Variants in FAM184B observed in about 807,000 individuals in gnomAD.
FAM184B encodes the protein protein FAM184B.
A neutral mutation model predicts 135.9 loss-of-function variants in FAM184B; 111 were observed. That is an observed-to-expected ratio of 0.82 (90% CI 0.70 to 0.96). FAM184B has a LOEUF of 0.96. FAM184B is among the 40% of genes least tolerant of loss of function. FAM184B has a pLI of 0.00. For missense variants in FAM184B, 1,375 were observed against 1,323.9 expected (o/e 1.04, Z -0.60); for synonymous variants, 552 against 524.8 (o/e 1.05, Z -0.71).
intron 1 of FAM184B, among the ~76,000 whole-genome samples, chr4:17,711,886 C>T (rs1391205690): frequency 6.6e-6 from 1 of 152,070 alleles, no homozygotes; most frequent in South Asian, 2.1e-4. Context: ...TCTACATTCT[C>T]AGTGGAATGA....
intron 1 of FAM184B, among the ~76,000 whole-genome samples, chr4:17,756,290 G>A (rs982446416): frequency 2.0e-5 from 3 of 152,120 alleles, no homozygotes; most frequent in African/African-American, 7.2e-5. Context: ...CTGCAACCAC[G>A]TCAAAAGGAC....
At chr4:17,688,177 A>G (rs1027824273) in intron 7 of FAM184B, among the ~76,000 whole-genome samples, 1 of 152,084 alleles carries the variant, frequency 6.6e-6, no homozygotes, top group African/African-American at 2.4e-5. Flanking sequence ...TCAGAGAGAG[A>G]GCGGAGACTC....
At chr4:17,653,931 G>GGAGA (rs1350725706) in intron 10 of FAM184B, among the ~76,000 whole-genome samples, 43 of 1,518 alleles carry the variant, frequency 0.028, no homozygotes, top group East Asian at 0.077. Context: ...GGAGGGGGAG[G>GGAGA]GGGATTTGAA....
At chr4:17,736,222 AACAGAACTAG>A (rs1261858139) in intron 1 of FAM184B, among the ~76,000 whole-genome samples, 2 of 152,172 alleles carry the variant, frequency 1.3e-5, no homozygotes, top group African/African-American at 4.8e-5. Flanking sequence ...GCTGGAAAAC[AACAGAACTAG>A]GATTCTGTTC....
chr4:17,640,286 CAT>C (rs1715270026), intron 13 of FAM184B, among the ~76,000 whole-genome samples: 1 of 144,042 alleles, frequency 6.9e-6, no homozygotes, highest in Non-Finnish European at 1.5e-5. Flanking sequence ...GCCTGACCAA[CAT>C]GGTGAAACCT....
intron 15 of FAM184B, among the ~76,000 whole-genome samples, chr4:17,636,199 G>A (rs539132015): frequency 1.3e-5 from 2 of 152,000 alleles, no homozygotes; most frequent in Admixed American, 6.6e-5. Context: ...TCTGTCTCTC[G>A]GGTTCAAGTG....
chr4:17,634,547 A>T lies in FAM184B; in HGVS notation c.2889+462T>A, dbSNP rs537903846. On this transcript the variant is annotated intron_variant, in intron 16 of 17. Coordinates refer to ENST00000265018, the MANE Select transcript of FAM184B (RefSeq NM_015688.2). ...CCACGTTGGCCAGGCTGGTCTTGAAATCCTGACCTCAAGTGATCCACCCAC... is the reference window on the plus strand; with the variant it reads ...CCACGTTGGCCAGGCTGGTCTTGAATTCCTGACCTCAAGTGATCCACCCAC... Among the ~76,000 whole-genome samples, 413 of 152,142 alleles carry T rather than the reference A, an allele frequency of 2.7e-3. 2 individuals carry two copies. The highest frequency in any genetic ancestry group is 4.4e-3 in the South Asian group (21 of 4,826).
chr4:17,655,455 A>C (rs1436411316), intron 10 of FAM184B, among the ~76,000 whole-genome samples: 2 of 151,950 alleles, frequency 1.3e-5, no homozygotes, highest in African/African-American at 4.8e-5. Flanking sequence ...CAAATTGGAG[A>C]CTCATTCCTG....
intron 1 of FAM184B, among the ~76,000 whole-genome samples, chr4:17,780,132 G>T (rs1163906390): frequency 6.6e-6 from 1 of 152,156 alleles, no homozygotes; most frequent in African/African-American, 2.4e-5. Context: ...CCAAGCCCCT[G>T]TGCTCTATTC....
intron 1 of FAM184B, among the ~76,000 whole-genome samples, chr4:17,768,138 C>A (rs971665037): frequency 1.3e-5 from 2 of 152,144 alleles, no homozygotes; most frequent in African/African-American, 4.8e-5. Flanking sequence ...TTTACAGTTT[C>A]TTTTTCTTTT....
chr4:17,700,565 C>T (rs1220760308), intron 5 of FAM184B, among the ~76,000 whole-genome samples: 2 of 152,204 alleles, frequency 1.3e-5, no homozygotes, highest in Non-Finnish European at 1.5e-5. Context: ...CAATCTTCCT[C>T]TCTCAGTGAT....
chr4:17,688,329 G>T, intron 7 of FAM184B, 95 bp downstream of exon 7: 2 of 864,100 alleles, frequency 2.3e-6, no homozygotes, highest in Non-Finnish European at 1.8e-6. Context: ...ATGTAAAAGA[G>T]CCCATTAACA....
At chr4:17,695,816 C>T (rs1283741108) in intron 5 of FAM184B, among the ~76,000 whole-genome samples, 2 of 152,018 alleles carry the variant, frequency 1.3e-5, no homozygotes, top group Non-Finnish European at 2.9e-5. Flanking sequence ...GATAGAGGGT[C>T]TGGAATTCAG....
chr4:17,710,968 G>T (rs556112443), intron 1 of FAM184B, among the ~76,000 whole-genome samples: 1 of 152,298 alleles, frequency 6.6e-6, no homozygotes, highest in South Asian at 2.1e-4. Flanking sequence ...TACAGAGGAG[G>T]GGGGTGAAGT....
chr4:17,727,356 C>T (rs1465548423), intron 1 of FAM184B, among the ~76,000 whole-genome samples: 1 of 152,168 alleles, frequency 6.6e-6, no homozygotes, highest in African/African-American at 2.4e-5. Context: ...CAGCTCTGTC[C>T]CTCTCAAGCA....
chr4:17,693,307 G>T lies in FAM184B; in HGVS notation c.1483C>A (p.Leu495Ile), dbSNP rs1253022989. 6 of 1,550,708 alleles carry T rather than the reference G, an allele frequency of 3.9e-6. No homozygotes were observed. Among genetic ancestry groups the T allele is most frequent in the Non-Finnish European group, 5.2e-6 (6 of 1,146,210 alleles). Reference sequence around the variant, plus strand: ...TGCATTTGGTCAGGGCTCACCTCAAGCAGAGAATTCTGAAGCTTCACATTG... The same window carrying T: ...TGCATTTGGTCAGGGCTCACCTCAATCAGAGAATTCTGAAGCTTCACATTG... Reference protein sequence around the residue: ...ALNVKLQNSLLEVLRLEEFIQ... With the variant: ...ALNVKLQNSLIEVLRLEEFIQ... The change falls in exon 6 of 18, where the codon CTT becomes ATT. Residue 495 changes from leucine (L) to isoleucine (I), a missense_variant. Transcript: ENST00000265018.
chr4:17,632,719 G>T, intron 17 of FAM184B, 94 bp from the exon 18 acceptor site: 1 of 838,002 alleles, frequency 1.2e-6, no homozygotes, highest in Non-Finnish European at 1.9e-6. Flanking sequence ...ATAACTGCTT[G>T]TTTACTCTTC....
Position 17,706,691 on chromosome 4 carries a change from G to A in FAM184B, c.1031-800C>T, listed in dbSNP as rs796269894. ...AAAGATTGGCAATACTTTTTGGGCT[G>A]GGCGTGGTGGCTAACGCCTATAATC... On this transcript the variant is annotated intron_variant, in intron 3 of 17. Coordinates refer to ENST00000265018, the MANE Select transcript of FAM184B (RefSeq NM_015688.2). 1.0e-3 allele frequency among the ~76,000 whole-genome samples: 152 copies of A among 152,280 alleles called. 1 individual carries two copies. The highest frequency in any genetic ancestry group is 3.3e-3 in the African/African-American group (139 of 41,576).
At chr4:17,704,235 T>C (rs1318136645) in intron 5 of FAM184B, among the ~76,000 whole-genome samples, 4 of 152,224 alleles carry the variant, frequency 2.6e-5, no homozygotes, top group Non-Finnish European at 4.4e-5. Flanking sequence ...CACAATGATA[T>C]TGCTTCATAC....
Sources: gnomAD v4.1 joint callset for allele counts (sites outside exome capture counted in the v4.1 genomes callset) on GRCh38, gnomAD v4.1.1 for gene constraint, MANE v1.5 for transcripts, NCBI Gene and HGNC (gene_info 2026-07-23, HGNC 2026-07-21) for gene names.